Variants in IQCJ observed in about 807,000 individuals in gnomAD.
IQCJ encodes IQ motif containing J.
In IQCJ, 9 loss-of-function variants were observed where a neutral mutation model predicts 11.0. That is an observed-to-expected ratio of 0.82 (90% CI 0.49 to 1.43). IQCJ has a LOEUF of 1.43. IQCJ is among the 40% of genes most tolerant of loss of function. The pLI is 0.00. For missense variants in IQCJ, 146 were observed against 133.2 expected, an observed-to-expected ratio of 1.10 and a Z score of -0.47; for synonymous variants, 55 against 51.3, an observed-to-expected ratio of 1.07 and a Z score of -0.31.
Position 159,245,909 on chromosome 3 carries a change from TA to T in IQCJ, c.74+4del, listed in dbSNP as rs1366952760. On this transcript the variant is annotated splice_donor_region_variant and intron_variant, in intron 2 of 3. Coordinates refer to ENST00000397832, the MANE Select transcript of IQCJ (RefSeq NM_001042706.3). ...TGATGGAAAATATTCATTTGAAAAG[TA>T]AGTAAAAAGTATTAAGTTAAATCAT... The T allele has an allele frequency of 6.5e-7, 1 of 1,531,260 alleles. No homozygotes were observed. 94.9% of individuals were successfully genotyped at this position (1,531,260 alleles called of 1,614,324 possible).
intron 1 of IQCJ, among the ~76,000 whole-genome samples, chr3:159,162,462 T>C (rs1462511600): frequency 1.3e-5 from 2 of 152,146 alleles, no homozygotes; most frequent in Non-Finnish European, 2.9e-5. Context: ...AGATATACAA[T>C]CATGTCATCT....
At chr3:159,224,860 A>G (rs1290823310) in intron 1 of IQCJ, among the ~76,000 whole-genome samples, 2 of 152,208 alleles carry the variant, frequency 1.3e-5, no homozygotes, top group Non-Finnish European at 1.5e-5. Flanking sequence ...ATTTAAATAT[A>G]TAACAAATTC....
chr3:159,134,002 T>C (rs988381213), intron 1 of IQCJ, among the ~76,000 whole-genome samples: 1 of 149,724 alleles, frequency 6.7e-6, no homozygotes, highest in Non-Finnish European at 1.5e-5. Context: ...ACTTCTGAGC[T>C]CATTTGGATT....
chr3:159,127,147 T>C (rs2108152980), intron 1 of IQCJ, among the ~76,000 whole-genome samples: 1 of 152,366 alleles, frequency 6.6e-6, no homozygotes, highest in African/African-American at 2.4e-5. Context: ...TTTTGAAGGT[T>C]GATTGTTGGC....
At chr3:159,254,162 G>T (rs926930356) in intron 3 of IQCJ, among the ~76,000 whole-genome samples, 1 of 152,204 alleles carries the variant, frequency 6.6e-6, no homozygotes, top group Admixed American at 6.5e-5. Flanking sequence ...TTAAGATAAG[G>T]TCCTGTTAAA....
intron 1 of IQCJ, among the ~76,000 whole-genome samples, chr3:159,171,111 A>G (rs532898417): frequency 6.6e-6 from 1 of 152,248 alleles, no homozygotes; most frequent in Admixed American, 6.5e-5. Flanking sequence ...CAGTAGGTAA[A>G]CAAATATGGC....
intron 1 of IQCJ, 90 bp downstream of exon 1, chr3:159,069,531 CAT>C: frequency 6.6e-7 from 1 of 1,521,860 alleles, no homozygotes; most frequent in Non-Finnish European, 8.8e-7. Context: ...TCTGAATTAA[CAT>C]GTATGCAAAA....
intron 1 of IQCJ, among the ~76,000 whole-genome samples, chr3:159,219,556 G>T (rs938058712): frequency 3.3e-5 from 5 of 152,278 alleles, no homozygotes; most frequent in African/African-American, 7.2e-5. Context: ...GGTAAATTTT[G>T]TAGGTATGAA....
intron 1 of IQCJ, among the ~76,000 whole-genome samples, chr3:159,085,791 G>A (rs1329968520): frequency 1.3e-5 from 2 of 149,742 alleles, no homozygotes; most frequent in Non-Finnish European, 3.0e-5. Context: ...AAATTTGTTT[G>A]AGTTCATTGT....
intron 1 of IQCJ, among the ~76,000 whole-genome samples, chr3:159,075,973 C>T (rs533071216): frequency 6.6e-6 from 1 of 152,178 alleles, no homozygotes; most frequent in South Asian, 2.1e-4. Context: ...ACCCAGAAGG[C>T]TCTTCTCTGA....
intron 1 of IQCJ, among the ~76,000 whole-genome samples, chr3:159,114,086 T>C (rs1559990403): frequency 6.6e-6 from 1 of 152,148 alleles, no homozygotes; most frequent in Non-Finnish European, 1.5e-5. Context: ...TTTCTGGTAA[T>C]TTAGTGTAAA....
At chr3:159,086,232 T>C (rs976559187) in intron 1 of IQCJ, among the ~76,000 whole-genome samples, 7 of 152,184 alleles carry the variant, frequency 4.6e-5, no homozygotes, top group African/African-American at 1.4e-4. Flanking sequence ...GTTGTAGATA[T>C]GTGTCGTTAT....
At chr3:159,102,058 C>T (rs559801776) in intron 1 of IQCJ, among the ~76,000 whole-genome samples, 31 of 152,282 alleles carry the variant, frequency 2.0e-4, no homozygotes, top group South Asian at 1.2e-3. Flanking sequence ...CTTGCTCTTT[C>T]GCTATAATGA....
intron 1 of IQCJ, among the ~76,000 whole-genome samples, chr3:159,170,384 C>T (rs1046799027): frequency 1.3e-5 from 2 of 152,164 alleles, no homozygotes; most frequent in Non-Finnish European, 2.9e-5. Flanking sequence ...ACTGCTTCTC[C>T]TCCAGCTAGA....
intron 1 of IQCJ, among the ~76,000 whole-genome samples, chr3:159,116,669 T>TATAC (rs1719040329): frequency 4.1e-5 from 1 of 24,104 alleles, no homozygotes; most frequent in African/African-American, 1.8e-4. Context: ...TATATATATA[T>TATAC]ACACCCTTCA....
At chr3:159,259,100 G>A (rs1560045989) in intron 3 of IQCJ, among the ~76,000 whole-genome samples, 1 of 152,102 alleles carries the variant, frequency 6.6e-6, no homozygotes, top group Non-Finnish European at 1.5e-5. Flanking sequence ...ATAAACATAT[G>A]CATTGGCAAC....
intron 1 of IQCJ, among the ~76,000 whole-genome samples, chr3:159,206,430 C>A (rs1272697396): frequency 6.6e-6 from 1 of 152,012 alleles, no homozygotes; most frequent in African/African-American, 2.4e-5. Flanking sequence ...AGCAACACCC[C>A]AATTTTGCAA....
intron 1 of IQCJ, among the ~76,000 whole-genome samples, chr3:159,136,515 G>A (rs776449119): frequency 2.6e-5 from 4 of 152,094 alleles, no homozygotes; most frequent in African/African-American, 7.2e-5. Flanking sequence ...CTATAACAAC[G>A]CCATAAACTG....
At chr3:159,114,957 A>C (rs1718876609) in intron 1 of IQCJ, among the ~76,000 whole-genome samples, 1 of 152,172 alleles carries the variant, frequency 6.6e-6, no homozygotes, top group South Asian at 2.1e-4. Context: ...TTAGTGTGTA[A>C]TTCATGCTTT....
Sources: gnomAD v4.1 joint callset for allele counts (sites outside exome capture counted in the v4.1 genomes callset) on GRCh38, gnomAD v4.1.1 for gene constraint, MANE v1.5 for transcripts, NCBI Gene and HGNC (gene_info 2026-07-23, HGNC 2026-07-21) for gene names.